TPD52L1: variants seen among roughly 807,000 people sequenced by gnomAD.
TPD52L1 encodes tumor protein D53.
TPD52L1 carries 18 observed loss-of-function variants against 28.7 expected under a neutral mutation model. The observed-to-expected ratio is 0.63, with a 90% CI of 0.43 to 0.93. The LOEUF is 0.93. Among genes scored for constraint, TPD52L1 ranks in the 40% least tolerant of loss-of-function variants. The pLI is 0.00. For missense variants in TPD52L1, 203 were observed against 254.8 expected, an observed-to-expected ratio of 0.80 and a Z score of 1.39; for synonymous variants, 75 against 88.8, an observed-to-expected ratio of 0.84 and a Z score of 0.88.
At chr6:125,222,689 G>C (rs1168592443) in intron 2 of TPD52L1, among the ~76,000 whole-genome samples, 1 of 152,206 alleles carries the variant, frequency 6.6e-6, no homozygotes, top group Admixed American at 6.5e-5. Context: ...ACAGGCAGCT[G>C]TGACCTAGGC....
At chr6:125,209,781 G>A (rs1015349853) in intron 1 of TPD52L1, among the ~76,000 whole-genome samples, 6 of 152,156 alleles carry the variant, frequency 3.9e-5, no homozygotes, top group African/African-American at 1.4e-4. Context: ...GTTCAGGTAT[G>A]GTTTAGACTC....
chr6:125,214,506 G>C, intron 1 of TPD52L1: 2 of 955,128 alleles, frequency 2.1e-6, no homozygotes, highest in Non-Finnish European at 2.5e-6. Context: ...GGAACTGCTT[G>C]GGCTGGATGT....
intron 4 of TPD52L1, chr6:125,253,041 G>A (rs1371663164): frequency 6.6e-6 from 1 of 152,232 alleles, no homozygotes; most frequent in East Asian, 1.9e-4. Flanking sequence ...AAAGTAACAG[G>A]CAACCAACCA....
chr6:125,258,408 A>G (rs1039365789), intron 6 of TPD52L1, among the ~76,000 whole-genome samples: 19 of 152,156 alleles, frequency 1.2e-4, no homozygotes, highest in Admixed American at 7.9e-4. Context: ...AAGAGCATCC[A>G]ATGTTGTGAA....
intron 5 of TPD52L1, among the ~76,000 whole-genome samples, chr6:125,254,976 T>C (rs1405966529): frequency 6.6e-6 from 1 of 152,246 alleles, no homozygotes; most frequent in African/African-American, 2.4e-5. Context: ...TATTTAGTTC[T>C]CTGTATTTGG....
Position 125,229,283 on chromosome 6 carries a change from C to T in TPD52L1, c.284+17C>T, listed in dbSNP as rs377573480. 1.3e-6 allele frequency: 2 copies of T among 1,596,656 alleles called. No homozygotes were observed. The highest frequency in any genetic ancestry group is 1.7e-6 in the Non-Finnish European group (2 of 1,173,208). The stretch of plus-strand genomic sequence containing the variant: ...TACCACTGCGTAAGTATCATATGAA[C>T]AGTGTTTTATTAACTCAGCCTGATG... On this transcript the variant is annotated intron_variant, in intron 3 of 6. Transcript: ENST00000534000.
intron 3 of TPD52L1, among the ~76,000 whole-genome samples, chr6:125,247,386 A>G (rs771855989): frequency 6.6e-6 from 1 of 152,096 alleles, no homozygotes; most frequent in Admixed American, 6.5e-5. Flanking sequence ...TCTCATCCCT[A>G]TAGGTAGCAT....
intron 1 of TPD52L1, among the ~76,000 whole-genome samples, chr6:125,168,332 C>T (rs1217397430): frequency 6.6e-6 from 1 of 152,140 alleles, no homozygotes; most frequent in African/African-American, 2.4e-5. Context: ...CCTCTCCCCT[C>T]AGATGATTCC....
At chr6:125,258,620 G>T (rs911190) in intron 6 of TPD52L1, among the ~76,000 whole-genome samples, 19,549 of 152,106 alleles carry the variant, frequency 0.13, 1,670 homozygotes, top group East Asian at 0.31. Context: ...GAAGAATAAA[G>T]AACAACCCAT....
chr6:125,156,175 C>T (rs1158150795), intron 1 of TPD52L1, among the ~76,000 whole-genome samples: 1 of 152,022 alleles, frequency 6.6e-6, no homozygotes, highest in Non-Finnish European at 1.5e-5. Flanking sequence ...TTAATAAATA[C>T]TTAAGAGGCC....
chr6:125,194,890 G>A (rs754564485), intron 1 of TPD52L1, among the ~76,000 whole-genome samples: 4 of 152,220 alleles, frequency 2.6e-5, no homozygotes. Flanking sequence ...CTGACTTAGA[G>A]AGAGTTTATT....
intron 3 of TPD52L1, among the ~76,000 whole-genome samples, chr6:125,239,672 T>C (rs1035299462): frequency 2.6e-5 from 4 of 152,148 alleles, no homozygotes; most frequent in African/African-American, 7.2e-5. Flanking sequence ...ACCCACTTTT[T>C]GATGGGGTTG....
chr6:125,200,992 G>T (rs113001416), intron 1 of TPD52L1, among the ~76,000 whole-genome samples: 2,181 of 152,292 alleles, frequency 0.014, 33 homozygotes, highest in Admixed American at 0.019. Context: ...TTCAGACAGG[G>T]TTGGCACATT....
chr6:125,159,269 T>C (rs887868535), intron 1 of TPD52L1, among the ~76,000 whole-genome samples: 1 of 152,258 alleles, frequency 6.6e-6, no homozygotes, highest in Non-Finnish European at 1.5e-5. Flanking sequence ...TTTATATAAT[T>C]CTAAATCCTT....
chr6:125,191,108 C>T (rs1250802878), intron 1 of TPD52L1, among the ~76,000 whole-genome samples: 1 of 152,204 alleles, frequency 6.6e-6, no homozygotes, highest in African/African-American at 2.4e-5. Flanking sequence ...CACTTGTCCT[C>T]ACAACTACAG....
intron 2 of TPD52L1, among the ~76,000 whole-genome samples, chr6:125,225,274 C>A (rs142854091): frequency 5.9e-4 from 90 of 152,298 alleles, no homozygotes; most frequent in African/African-American, 2.1e-3. Flanking sequence ...GCTGTAGTCA[C>A]CTTTGGTCTA....
At chr6:125,162,965 A>G (rs953610482) in intron 1 of TPD52L1, among the ~76,000 whole-genome samples, 1 of 152,218 alleles carries the variant, frequency 6.6e-6, no homozygotes, top group Non-Finnish European at 1.5e-5. Flanking sequence ...TAAATGAAGA[A>G]GACAGGATTC....
intron 1 of TPD52L1, among the ~76,000 whole-genome samples, chr6:125,203,137 C>G (rs139433135): frequency 8.9e-4 from 136 of 152,116 alleles, no homozygotes; most frequent in Non-Finnish European, 1.6e-3. Context: ...GGGTGGGATA[C>G]AGAGAGAAGG....
intron 1 of TPD52L1, among the ~76,000 whole-genome samples, chr6:125,218,623 G>C (rs1383476285): frequency 6.6e-6 from 1 of 152,032 alleles, no homozygotes; most frequent in Non-Finnish European, 1.5e-5. Flanking sequence ...TTCATGGTTT[G>C]CCTTTTTGTG....
Sources: allele counts gnomAD v4.1 joint callset (sites outside exome capture counted in the v4.1 genomes callset), GRCh38; gene constraint gnomAD v4.1.1; transcripts MANE v1.5; gene names NCBI Gene and HGNC (gene_info 2026-07-23, HGNC 2026-07-21).